Variants in RYR2 observed in about 807,000 individuals in gnomAD.
RYR2 encodes ryanodine receptor 2.
A neutral mutation model predicts 601.1 loss-of-function variants in RYR2; 227 were observed. The ratio of observed to expected loss-of-function variants is 0.38; its 90% CI spans 0.34 to 0.42. RYR2 has a LOEUF of 0.42. RYR2 is among the 10% of genes least tolerant of loss of function. The pLI, the probability that RYR2 is intolerant of heterozygous loss-of-function variation, is 1.00. For missense variants in RYR2, 4,646 were observed against 6,156.5 expected (o/e 0.75, Z 8.21); for synonymous variants, 2,223 against 2,175.1 (o/e 1.02, Z -0.61).
At chr1:237,474,001 GA>G (rs1224688371) in intron 17 of RYR2, among the ~76,000 whole-genome samples, 1 of 151,742 alleles carries the variant, frequency 6.6e-6, no homozygotes, top group Non-Finnish European at 1.5e-5. Flanking sequence ...CAATAGTGAG[GA>G]AAAAAAGCTG....
At chr1:237,617,264 T>G (rs761977407) in intron 37 of RYR2, 22 bp from the exon 38 acceptor site, 1 of 1,574,624 alleles carries the variant, frequency 6.4e-7, no homozygotes, top group Non-Finnish European at 8.6e-7. Context: ...TTAAATTTGG[T>G]GTCTTTTTAA....
chr1:237,548,723 A>G (rs748536743), intron 26 of RYR2, 133 bp downstream of exon 26: 45 of 1,125,390 alleles, frequency 4.0e-5, no homozygotes, highest in Non-Finnish European at 5.3e-5. Context: ...ATTTGGACTA[A>G]AACAGCTGTT....
At chr1:237,497,955 G>A (rs1019325941) in intron 20 of RYR2, among the ~76,000 whole-genome samples, 4 of 151,678 alleles carry the variant, frequency 2.6e-5, no homozygotes, top group African/African-American at 7.3e-5. Flanking sequence ...TCTGCCTCCC[G>A]GGTTCAAGCG....
chr1:237,590,378 C>A (rs1675019367), intron 30 of RYR2, among the ~76,000 whole-genome samples: 1 of 152,040 alleles, frequency 6.6e-6, no homozygotes. Context: ...AAAATACTTT[C>A]CTTTTTATGT....
At chr1:237,698,866 T>C (rs1040923407) in intron 63 of RYR2, 99 bp from the exon 64 acceptor site, 4 of 632,454 alleles carry the variant, frequency 6.3e-6, no homozygotes, top group Non-Finnish European at 1.1e-5. Flanking sequence ...ATATTACTGT[T>C]GTGTCATTGA....
intron 86 of RYR2, among the ~76,000 whole-genome samples, chr1:237,772,639 G>A (rs1694360192): frequency 6.6e-6 from 1 of 152,164 alleles, no homozygotes; most frequent in South Asian, 2.1e-4. Context: ...CTTAAATAAT[G>A]AGAGCCCTGT....
chr1:237,661,240 A>G (rs1379003242), intron 56 of RYR2, among the ~76,000 whole-genome samples: 2 of 152,084 alleles, frequency 1.3e-5, no homozygotes, highest in Non-Finnish European at 2.9e-5. Flanking sequence ...GCAAACTAAC[A>G]CAGGAACAGA....
chr1:237,799,341 A>T (rs1659671906), intron 97 of RYR2, among the ~76,000 whole-genome samples: 2 of 152,232 alleles, frequency 1.3e-5, no homozygotes, highest in South Asian at 4.1e-4. Context: ...TCAGATCCTT[A>T]ACAAGCAATA....
At chr1:237,357,331 A>G (rs988363699) in intron 4 of RYR2, among the ~76,000 whole-genome samples, 6 of 152,122 alleles carry the variant, frequency 3.9e-5, no homozygotes, top group Non-Finnish European at 7.4e-5. Flanking sequence ...AACACGTATG[A>G]CACCTCTTTG....
chr1:237,344,414 A>T (rs1698116485), intron 3 of RYR2, among the ~76,000 whole-genome samples: 1 of 152,216 alleles, frequency 6.6e-6, no homozygotes, highest in South Asian at 2.1e-4. Context: ...TCTTTATACT[A>T]TTCGTTCTCT....
intron 2 of RYR2, among the ~76,000 whole-genome samples, chr1:237,304,927 G>A (rs569651493): frequency 3.3e-5 from 5 of 152,080 alleles, no homozygotes; most frequent in South Asian, 2.1e-4. Flanking sequence ...CACAGAAGAG[G>A]AAATGCAGAT....
At chr1:237,185,870 G>C (rs1217273835) in intron 1 of RYR2, among the ~76,000 whole-genome samples, 1 of 152,172 alleles carries the variant, frequency 6.6e-6, no homozygotes, top group African/African-American at 2.4e-5. Flanking sequence ...GTACACCAAG[G>C]TTAAACAGCA....
chr1:237,109,138 AATAC>A (rs1669126679), intron 1 of RYR2, among the ~76,000 whole-genome samples: 1 of 152,042 alleles, frequency 6.6e-6, no homozygotes, highest in Admixed American at 6.6e-5. Context: ...TATATTCACA[AATAC>A]ATACATAAAT....
intron 12 of RYR2, among the ~76,000 whole-genome samples, chr1:237,436,757 A>T (rs562639372): frequency 2.0e-5 from 3 of 151,564 alleles, no homozygotes; most frequent in East Asian, 3.9e-4. Context: ...TAATTTGGAT[A>T]GACATACGGA....
intron 1 of RYR2, among the ~76,000 whole-genome samples, chr1:237,240,499 C>T (rs548873673): frequency 6.6e-6 from 1 of 151,860 alleles, no homozygotes; most frequent in Admixed American, 6.6e-5. Context: ...GCTTAGTGGC[C>T]TTGAGTACCA....
At chr1:237,626,036 A>G (rs991126267) in intron 40 of RYR2, among the ~76,000 whole-genome samples, 11 of 152,224 alleles carry the variant, frequency 7.2e-5, no homozygotes, top group African/African-American at 2.4e-4. Flanking sequence ...GTCTCCATAG[A>G]GAACTAGAAA....
Position 237,666,599 on chromosome 1 carries a change from A to G in RYR2, c.8514+10A>G. 1 of 1,600,706 alleles carries G rather than the reference A, an allele frequency of 6.2e-7. No homozygotes were observed. Among genetic ancestry groups the G allele is most frequent in the Non-Finnish European group, 8.5e-7 (1 of 1,171,148 alleles). ...ATCTAGAGACCTGCATGTAAGTACT[A>G]TTAACTTTTAAAAATAGTCTCCAAA... is the stretch of plus-strand genomic sequence containing the variant. On this transcript the variant is annotated intron_variant, in intron 57 of 104. Coordinates refer to ENST00000366574, the MANE Select transcript of RYR2 (RefSeq NM_001035.3).
intron 49 of RYR2, 132 bp from the exon 50 acceptor site, chr1:237,649,745 A>G: frequency 1.4e-6 from 1 of 708,956 alleles, no homozygotes. Flanking sequence ...AGATGTAACT[A>G]AAGAATACAT....
intron 2 of RYR2, among the ~76,000 whole-genome samples, chr1:237,301,123 A>G (rs1487449227): frequency 6.6e-6 from 1 of 152,106 alleles, no homozygotes; most frequent in Non-Finnish European, 1.5e-5. Flanking sequence ...GGTAATCTTT[A>G]AATACTGATA....
Sources: allele counts gnomAD v4.1 joint callset (sites outside exome capture counted in the v4.1 genomes callset), GRCh38; gene constraint gnomAD v4.1.1; transcripts MANE v1.5; gene names NCBI Gene and HGNC (gene_info 2026-07-23, HGNC 2026-07-21).